The following RBFOX1 variants were observed in gnomAD, a reference collection of about 807,000 sequenced individuals.
RBFOX1 encodes RNA binding protein fox-1 homolog 1.
Under a neutral mutation model 57.7 loss-of-function variants are expected in RBFOX1, and 8 were observed. That is an observed-to-expected ratio of 0.14 (90% CI 0.08 to 0.25). The LOEUF (loss-of-function observed/expected upper bound fraction) is 0.25. RBFOX1 is among the 10% of genes least tolerant of loss of function. RBFOX1 has a pLI of 1.00. For missense variants in RBFOX1, 611 were observed against 548.5 expected, an observed-to-expected ratio of 1.11 and a Z score of -1.14; for synonymous variants, 326 against 222.4, an observed-to-expected ratio of 1.47 and a Z score of -4.15.
At chr16:6,646,173 C>G (rs1392572998) in intron 2 of RBFOX1, among the ~76,000 whole-genome samples, 1 of 152,070 alleles carries the variant, frequency 6.6e-6, no homozygotes, top group Non-Finnish European at 1.5e-5. Flanking sequence ...GAGTCTGGTT[C>G]AGAAAAGGTC....
At chr16:7,240,673 G>A (rs2094009964) in intron 4 of RBFOX1, among the ~76,000 whole-genome samples, 1 of 152,100 alleles carries the variant, frequency 6.6e-6, no homozygotes, top group African/African-American at 2.4e-5. Flanking sequence ...TCCCATCTCA[G>A]TCTCCTGAGT....
intron 3 of RBFOX1, among the ~76,000 whole-genome samples, chr16:6,999,922 G>T (rs530825628): frequency 4.2e-4 from 64 of 151,992 alleles, no homozygotes; most frequent in African/African-American, 1.4e-3. Flanking sequence ...AAATACAGAA[G>T]TTAACCAGGT....
intron 10 of RBFOX1, among the ~76,000 whole-genome samples, chr16:7,613,133 T>A (rs1489305871): frequency 1.3e-5 from 2 of 152,086 alleles, no homozygotes; most frequent in African/African-American, 4.8e-5. Flanking sequence ...GCAGAGTAGA[T>A]CAACTTGAAA....
intron 5 of RBFOX1, among the ~76,000 whole-genome samples, chr16:7,546,291 C>T (rs572334190): frequency 2.0e-5 from 3 of 151,924 alleles, no homozygotes; most frequent in South Asian, 2.1e-4. Context: ...CACACCACTG[C>T]ACTCTAGCCT....
intron 3 of RBFOX1, among the ~76,000 whole-genome samples, chr16:5,780,085 C>CTCCA (rs1455988540): frequency 6.6e-6 from 1 of 152,202 alleles, no homozygotes; most frequent in Non-Finnish European, 1.5e-5. Context: ...CTCACTGAAC[C>CTCCA]TCCACCTCCC....
At chr16:6,427,944 TGCTGTGAGG>T (rs2093977077) in intron 2 of RBFOX1, among the ~76,000 whole-genome samples, 1 of 152,154 alleles carries the variant, frequency 6.6e-6, no homozygotes, top group South Asian at 2.1e-4. Flanking sequence ...TTTATAGTAT[TGCTGTGAGG>T]GCTCAGGAGT....
At chr16:7,411,557 C>T (rs575635697) in intron 4 of RBFOX1, among the ~76,000 whole-genome samples, 42 of 152,186 alleles carry the variant, frequency 2.8e-4, no homozygotes, top group Non-Finnish European at 4.9e-4. Flanking sequence ...CATCAGTCAA[C>T]TTCCAGTTGA....
intron 4 of RBFOX1, among the ~76,000 whole-genome samples, chr16:5,926,630 A>G (rs2152239426): frequency 6.6e-6 from 1 of 152,194 alleles, no homozygotes; most frequent in East Asian, 1.9e-4. Flanking sequence ...TCTCTTCATT[A>G]TTTATTTTTG....
intron 4 of RBFOX1, among the ~76,000 whole-genome samples, chr16:7,211,667 A>T (rs952774097): frequency 1.3e-5 from 2 of 152,130 alleles, no homozygotes; most frequent in Non-Finnish European, 2.9e-5. Context: ...ATGAACAAGA[A>T]TGTAAGTTAC....
chr16:5,781,974 G>C (rs372755959), intron 3 of RBFOX1, among the ~76,000 whole-genome samples: 1 of 152,230 alleles, frequency 6.6e-6, no homozygotes, highest in Admixed American at 6.5e-5. Flanking sequence ...GGGAGGCCGA[G>C]GTGGGCGGAT....
intron 5 of RBFOX1, among the ~76,000 whole-genome samples, chr16:7,521,213 C>G (rs774959715): frequency 6.6e-6 from 1 of 152,158 alleles, no homozygotes; most frequent in African/African-American, 2.4e-5. Flanking sequence ...TCTGGGCTCA[C>G]TCAAAGTCCT....
intron 1 of RBFOX1, among the ~76,000 whole-genome samples, chr16:5,325,082 A>G (rs896288553): frequency 1.3e-5 from 2 of 152,210 alleles, no homozygotes; most frequent in African/African-American, 4.8e-5. Context: ...AGTTAAAAAA[A>G]GTACCTGCAT....
At chr16:7,444,317 C>CA (rs1317607141) in intron 4 of RBFOX1, among the ~76,000 whole-genome samples, 2 of 152,034 alleles carry the variant, frequency 1.3e-5, no homozygotes, top group Non-Finnish European at 2.9e-5. Context: ...AGGATTGTGT[C>CA]AGAGTCATTG....
intron 2 of RBFOX1, among the ~76,000 whole-genome samples, chr16:6,428,903 C>A (rs374666415): frequency 6.6e-6 from 1 of 152,138 alleles, no homozygotes; most frequent in African/African-American, 2.4e-5. Context: ...ATCAAAGTAT[C>A]GTGTAGGAAG....
intron 3 of RBFOX1, among the ~76,000 whole-genome samples, chr16:6,885,796 G>A (rs2063881034): frequency 6.6e-6 from 1 of 152,170 alleles, no homozygotes; most frequent in African/African-American, 2.4e-5. Flanking sequence ...CTCCCAAAAT[G>A]CTGGGATTAC....
intron 1 of RBFOX1, among the ~76,000 whole-genome samples, chr16:5,330,454 G>C (rs2064719319): frequency 6.6e-6 from 1 of 152,118 alleles, no homozygotes; most frequent in South Asian, 2.1e-4. Context: ...CCAGGCTGGA[G>C]TGCAATGGCA....
chr16:7,342,691 G>A (rs1004835166), intron 4 of RBFOX1, among the ~76,000 whole-genome samples: 4 of 152,210 alleles, frequency 2.6e-5, no homozygotes, highest in Non-Finnish European at 4.4e-5. Context: ...GGGAGGTGGC[G>A]AAGGAGAGGG....
intron 4 of RBFOX1, among the ~76,000 whole-genome samples, chr16:7,139,623 G>GT (rs1567418489): frequency 6.6e-6 from 1 of 152,146 alleles, no homozygotes; most frequent in African/African-American, 2.4e-5. Context: ...AAGGATCAGA[G>GT]ACCTGAGTCC....
At chr16:6,788,426 G>C (rs2082327847) in intron 3 of RBFOX1, among the ~76,000 whole-genome samples, 1 of 151,022 alleles carries the variant, frequency 6.6e-6, no homozygotes, top group Admixed American at 6.6e-5. Context: ...AGCCTGCTTT[G>C]GACACAGGTG....
Sources: allele counts gnomAD v4.1 joint callset (sites outside exome capture counted in the v4.1 genomes callset), GRCh38; gene constraint gnomAD v4.1.1; transcripts MANE v1.5; gene names NCBI Gene and HGNC (gene_info 2026-07-23, HGNC 2026-07-21).